The following CREB5 variants were observed in gnomAD, a reference collection of about 807,000 sequenced individuals.
CREB5 encodes the protein cyclic AMP-responsive element-binding protein 5.
Under a neutral mutation model 57.1 loss-of-function variants are expected in CREB5, and 19 were observed. The ratio of observed to expected loss-of-function variants is 0.33; its 90% CI spans 0.23 to 0.49. The LOEUF (loss-of-function observed/expected upper bound fraction) is 0.49. Ranked by LOEUF, CREB5 falls within the 20% of genes least tolerant of loss-of-function variation. The probability of loss-of-function intolerance (pLI) is 0.99; values close to 1 mark genes in which losing one functional copy is unlikely to be tolerated. For missense variants in CREB5, 579 were observed against 671.6 expected (o/e 0.86, Z 1.52); for synonymous variants, 238 against 238.3 (o/e 1.00, Z 0.01).
chr7:28,467,091 C>G (rs1381866285), intron 1 of CREB5, among the ~76,000 whole-genome samples: 1 of 152,202 alleles, frequency 6.6e-6, no homozygotes, highest in Non-Finnish European at 1.5e-5. Context: ...TAGAGACACA[C>G]AGTCACTACT....
chr7:28,445,605 G>A (rs1366287169), intron 1 of CREB5, among the ~76,000 whole-genome samples: 10 of 151,616 alleles, frequency 6.6e-5, no homozygotes, highest in Non-Finnish European at 2.9e-5. Context: ...AGGCTGGAGT[G>A]CAGTGGCGCG....
chr7:28,352,404 A>G (rs909970167), intron 1 of CREB5, among the ~76,000 whole-genome samples: 1 of 152,302 alleles, frequency 6.6e-6, no homozygotes, highest in South Asian at 2.1e-4. Flanking sequence ...ATTACCTAAG[A>G]TATTTTTTAG....
At chr7:28,722,254 T>C (rs1163928194) in intron 6 of CREB5, among the ~76,000 whole-genome samples, 2 of 152,226 alleles carry the variant, frequency 1.3e-5, no homozygotes, top group African/African-American at 4.8e-5. Context: ...TACCTCTTTA[T>C]ATAACTAGTA....
chr7:28,513,000 C>G lies in CREB5; in HGVS notation c.291+5263C>G, dbSNP rs1168722036. ...CTTAAGATCTTGGATCCCAGCTCAA[C>G]AGGAGTCACAGAACAGGGCATGGTG... On this transcript the variant is annotated intron_variant, in intron 4 of 10. Transcript: ENST00000357727. 2.6e-5 allele frequency among the ~76,000 whole-genome samples: 4 copies of G among 152,210 alleles called. No homozygotes were observed. The East Asian group carries it at 5.8e-4, about 22-fold the overall frequency.
At chr7:28,510,928 T>C (rs1052235178) in intron 4 of CREB5, among the ~76,000 whole-genome samples, 1 of 152,150 alleles carries the variant, frequency 6.6e-6, no homozygotes, top group Admixed American at 6.5e-5. Context: ...CTCAGACTAG[T>C]TCATATCCTG....
intron 1 of CREB5, among the ~76,000 whole-genome samples, chr7:28,465,199 A>C (rs182938942): frequency 2.0e-5 from 3 of 152,296 alleles, no homozygotes; most frequent in Admixed American, 6.5e-5. Context: ...AGAGGTAGAG[A>C]GTGAGGAAGA....
intron 7 of CREB5, among the ~76,000 whole-genome samples, chr7:28,728,932 T>TA (rs1347155877): frequency 6.6e-6 from 1 of 152,112 alleles, no homozygotes; most frequent in Non-Finnish European, 1.5e-5. Flanking sequence ...AGAAAAGCAG[T>TA]ATGTCTGTTC....
At chr7:28,324,872 G>A (rs992769893) in intron 1 of CREB5, among the ~76,000 whole-genome samples, 4 of 152,136 alleles carry the variant, frequency 2.6e-5, no homozygotes, top group African/African-American at 7.2e-5. Flanking sequence ...TCCTATCTCA[G>A]TAAATAGCCC....
At chr7:28,413,092 A>ATG (rs10599936) in intron 1 of CREB5, among the ~76,000 whole-genome samples, 175 bp downstream of exon 1, 5,749 of 147,290 alleles carry the variant, frequency 0.039, 145 homozygotes, top group African/African-American at 0.063. Flanking sequence ...ATGTGGAAGG[A>ATG]TGTGTGTGTG....
intron 1 of CREB5, among the ~76,000 whole-genome samples, chr7:28,402,244 C>T (rs909233813): frequency 2.6e-5 from 4 of 152,152 alleles, no homozygotes; most frequent in African/African-American, 9.7e-5. Context: ...CCTTCACCCA[C>T]TTTTTGATGG....
At chr7:28,665,707 TAGA>T (rs1799798656) in intron 5 of CREB5, among the ~76,000 whole-genome samples, 2 of 152,174 alleles carry the variant, frequency 1.3e-5, no homozygotes, top group Non-Finnish European at 2.9e-5. Flanking sequence ...GTTGAGAGAA[TAGA>T]AGATTTATCC....
chr7:28,580,584 TGTGTGTGTGAGAGA>T (rs1315426392), intron 5 of CREB5, among the ~76,000 whole-genome samples: 5 of 146,014 alleles, frequency 3.4e-5, no homozygotes, highest in African/African-American at 1.2e-4. Context: ...TGTGTGTGTG[TGTGTGTGTGAGAGA>T]GAGATAGACA....
At chr7:28,673,587 T>G (rs1800154720) in intron 5 of CREB5, among the ~76,000 whole-genome samples, 1 of 151,330 alleles carries the variant, frequency 6.6e-6, no homozygotes, top group Non-Finnish European at 1.5e-5. Flanking sequence ...AGTTTTATCC[T>G]TTTTGCCAAG....
intron 5 of CREB5, 145 bp downstream of exon 5, chr7:28,570,682 G>A (rs1284009856): frequency 3.2e-6 from 3 of 925,728 alleles, no homozygotes; most frequent in Admixed American, 3.2e-5. Flanking sequence ...GCTTTTGATG[G>A]GAGAAGGGAG....
chr7:28,804,426 C>G lies in CREB5; in HGVS notation c.930C>G (p.Asn310Lys), dbSNP rs1220878125. The change falls in exon 8 of 11, where the codon AAC becomes AAG. Residue 310 changes from asparagine to lysine, a missense_variant. Transcript: ENST00000357727. ...HPHPQPHHQQNHPHHHSHSHL... is the reference protein window; with the variant it reads ...HPHPQPHHQQKHPHHHSHSHL... ...ACCCTCAACCCCATCACCAGCAGAA[C>G]CATCCACATCACCACTCCCATTCCC... 1 of 1,613,592 alleles carries G rather than the reference C, an allele frequency of 6.2e-7. No homozygotes were observed. Among genetic ancestry groups the G allele is most frequent in the African/African-American group, 1.3e-5 (1 of 74,512 alleles).
At chr7:28,757,526 A>T (rs919771422) in intron 7 of CREB5, among the ~76,000 whole-genome samples, 8 of 152,054 alleles carry the variant, frequency 5.3e-5, no homozygotes, top group African/African-American at 1.9e-4. Context: ...CAAAAAAATT[A>T]GCCAGGCGTG....
chr7:28,513,310 G>A (rs181763141), intron 4 of CREB5, among the ~76,000 whole-genome samples: 1 of 152,182 alleles, frequency 6.6e-6, no homozygotes, highest in Admixed American at 6.5e-5. Context: ...TGATATTTGT[G>A]TAAAACAATC....
chr7:28,328,036 G>A (rs938423507), intron 1 of CREB5, among the ~76,000 whole-genome samples: 7 of 145,822 alleles, frequency 4.8e-5, no homozygotes, highest in Non-Finnish European at 9.2e-5. Context: ...AGAATGTTCC[G>A]GTTTTCAAGC....
intron 1 of CREB5, among the ~76,000 whole-genome samples, chr7:28,325,954 C>T (rs565832746): frequency 3.0e-4 from 46 of 152,272 alleles, no homozygotes; most frequent in African/African-American, 1.1e-3. Context: ...TCTTTGAGTA[C>T]TTTATTATAT....
Sources: gnomAD v4.1 joint callset for allele counts (sites outside exome capture counted in the v4.1 genomes callset) on GRCh38, gnomAD v4.1.1 for gene constraint, MANE v1.5 for transcripts, NCBI Gene and HGNC (gene_info 2026-07-23, HGNC 2026-07-21) for gene names.